The following CDK2AP1 variants were observed in gnomAD, a reference collection of about 807,000 sequenced individuals.
CDK2AP1 encodes the protein cyclin dependent kinase 2 associated protein 1.
In CDK2AP1, 10 loss-of-function variants were observed where a neutral mutation model predicts 14.1. That is an observed-to-expected ratio of 0.71 (90% CI 0.44 to 1.20). The LOEUF (loss-of-function observed/expected upper bound fraction) is 1.20. Among genes scored for constraint, CDK2AP1 ranks in the 50% most tolerant of loss-of-function variants. CDK2AP1 has a pLI of 0.00. For synonymous variants in CDK2AP1, 59 were observed against 59.8 expected (o/e 0.99, Z 0.06); for missense variants, 102 against 149.9 (o/e 0.68, Z 1.67).
intron 1 of CDK2AP1, among the ~76,000 whole-genome samples, chr12:123,268,665 C>T (rs576561556): frequency 6.6e-6 from 1 of 152,342 alleles, no homozygotes; most frequent in Admixed American, 6.5e-5. Context: ...TCAGTTTCCA[C>T]GCCTCCCACG....
chr12:123,271,935 C>G (rs2048358221), upstream of CDK2AP1: 1 of 146,546 alleles, frequency 6.8e-6, no homozygotes, highest in South Asian at 2.1e-4. Flanking sequence ...GGCCGCGCCC[C>G]GCGCCTCCGG....
chr12:123,266,268 C>CCG (rs1357266995), intron 2 of CDK2AP1, among the ~76,000 whole-genome samples: 1 of 152,258 alleles, frequency 6.6e-6, no homozygotes, highest in Non-Finnish European at 1.5e-5. Flanking sequence ...GGCCTCCCGC[C>CCG]TGTCCTGGCG....
chr12:123,269,260 C>T (rs1273588567), intron 1 of CDK2AP1: 1 of 152,326 alleles, frequency 6.6e-6, no homozygotes, highest in African/African-American at 2.4e-5. Flanking sequence ...GGCTCCAGTT[C>T]CTACTATTTG....
At chr12:123,264,815 C>A (rs1428725308) in intron 3 of CDK2AP1, among the ~76,000 whole-genome samples, 1 of 152,142 alleles carries the variant, frequency 6.6e-6, no homozygotes, top group Admixed American at 6.5e-5. Context: ...GTGCAGGCAC[C>A]GATGAACCCT....
intron 1 of CDK2AP1, chr12:123,268,067 C>T (rs1474200439): frequency 5.6e-6 from 3 of 533,658 alleles, no homozygotes; most frequent in East Asian, 1.5e-4. Flanking sequence ...CAGGGGAGTC[C>T]GTGGCTAGGA....
rs992375772 is a variant in CDK2AP1 at position 123,261,010 on chromosome 12, T to A, written c.*726A>T. On this transcript the variant is annotated 3_prime_UTR_variant, in exon 4 of 4. Coordinates refer to ENST00000261692, the MANE Select transcript of CDK2AP1 (RefSeq NM_004642.4). The stretch of plus-strand genomic sequence containing the variant: ...CCCACATTTTAATACAAATTGTTAA[T>A]GAAAATAAGCTTTATTACATCAAGT... 1 of 152,442 alleles carries A rather than the reference T, an allele frequency of 6.6e-6. No homozygotes were observed. The highest frequency in any genetic ancestry group is 2.4e-5 in the African/African-American group (1 of 41,456). 9.4% of individuals were successfully genotyped at this position (152,442 alleles called of 1,614,324 possible).
At chr12:123,267,977 G>C (rs1406025927) in intron 1 of CDK2AP1, 1 of 156,204 alleles carries the variant, frequency 6.4e-6, no homozygotes, top group Non-Finnish European at 1.4e-5. Context: ...CCACATATGG[G>C]ATGCAACATT....
chr12:123,267,345 CG>C, intron 1 of CDK2AP1, 63 bp from the exon 2 acceptor site: 1 of 999,870 alleles, frequency 1.0e-6, no homozygotes. Flanking sequence ...GCAAGGACTC[CG>C]GGTCCTGCAA....
At chr12:123,264,528 G>C (rs1212000691) in intron 3 of CDK2AP1, among the ~76,000 whole-genome samples, 1 of 147,816 alleles carries the variant, frequency 6.8e-6, no homozygotes, top group Admixed American at 6.8e-5. Flanking sequence ...ATGCGTTCAT[G>C]GGCTATGGCT....
At chr12:123,269,912 G>C (rs1293733318) in intron 1 of CDK2AP1, among the ~76,000 whole-genome samples, 1 of 152,186 alleles carries the variant, frequency 6.6e-6, no homozygotes, top group African/African-American at 2.4e-5. Flanking sequence ...GCACCAAAAA[G>C]CCCAGATCTG....
At chr12:123,266,201 G>C (rs4553407) in intron 2 of CDK2AP1, among the ~76,000 whole-genome samples, 80,260 of 152,158 alleles carry the variant, frequency 0.53, 25,559 homozygotes, top group East Asian at 0.69. Context: ...GCTCTGTCCT[G>C]TCCTCGTCCT....
chr12:123,264,184 C>T (rs969863071), intron 3 of CDK2AP1, among the ~76,000 whole-genome samples: 18 of 151,126 alleles, frequency 1.2e-4, no homozygotes, highest in Admixed American at 3.3e-4. Context: ...CCAGGCCGGG[C>T]GTGGTGGCTC....
At chr12:123,267,888 C>A (rs985927703) in intron 1 of CDK2AP1, 2 of 154,212 alleles carry the variant, frequency 1.3e-5, no homozygotes, top group African/African-American at 4.8e-5. Flanking sequence ...GCCTGTCTCC[C>A]CCTCCCCAAA....
intron 3 of CDK2AP1, among the ~76,000 whole-genome samples, chr12:123,263,529 C>T (rs2048255478): frequency 6.6e-6 from 1 of 152,220 alleles, no homozygotes; most frequent in African/African-American, 2.4e-5. Flanking sequence ...TTCAGGTAAG[C>T]AGCACCCCAG....
At chr12:123,272,215 G>A (rs1241007112), upstream of CDK2AP1, 1 of 152,186 alleles carries the variant, frequency 6.6e-6, no homozygotes, top group Admixed American at 6.5e-5. Context: ...AGACGCCCAG[G>A]TCTGGCCAAG....
At chr12:123,267,097 C>T (rs963458657) in intron 2 of CDK2AP1, 88 bp downstream of exon 2, 34 of 844,702 alleles carry the variant, frequency 4.0e-5, no homozygotes, top group Non-Finnish European at 6.2e-5. Flanking sequence ...TCTGCTCCTT[C>T]GTCTCTTCCA....
chr12:123,263,135 C>T (rs1446611611), intron 3 of CDK2AP1, among the ~76,000 whole-genome samples: 3 of 147,466 alleles, frequency 2.0e-5, no homozygotes, highest in Non-Finnish European at 4.5e-5. Flanking sequence ...TGCTTGAACC[C>T]GGGAGGCGGA....
intron 3 of CDK2AP1, among the ~76,000 whole-genome samples, chr12:123,264,397 T>C (rs1046046933): frequency 2.9e-5 from 4 of 139,014 alleles, no homozygotes; most frequent in African/African-American, 1.1e-4. Flanking sequence ...GAGGCGGAGG[T>C]TGCGGTGAGC....
chr12:123,264,297 A>G (rs2048264312), intron 3 of CDK2AP1, among the ~76,000 whole-genome samples: 1 of 151,794 alleles, frequency 6.6e-6, no homozygotes, highest in South Asian at 2.1e-4. Context: ...TGTCTCTACT[A>G]AAAATACAAA....
Sources: gnomAD v4.1 joint callset for allele counts (sites outside exome capture counted in the v4.1 genomes callset) on GRCh38, gnomAD v4.1.1 for gene constraint, MANE v1.5 for transcripts, NCBI Gene and HGNC (gene_info 2026-07-23, HGNC 2026-07-21) for gene names.